The following RLN2 variants were observed in gnomAD, a reference collection of about 807,000 sequenced individuals.
RLN2 encodes prorelaxin H2.
In RLN2, 10 loss-of-function variants were observed where a neutral mutation model predicts 7.3. The observed-to-expected ratio is 1.36, with a 90% CI of 0.84 to 2.31. The LOEUF is 2.31. Ranked by LOEUF, RLN2 falls within the 30% of genes most tolerant of loss-of-function variation. RLN2 has a pLI of 0.00. For missense variants in RLN2, 298 were observed against 217.6 expected, an observed-to-expected ratio of 1.37 and a Z score of -2.32; for synonymous variants, 103 against 82.3, an observed-to-expected ratio of 1.25 and a Z score of -1.36.
At chr9:5,311,159 G>T in the RLN2 span, among the ~76,000 whole-genome samples, 5 of 151,996 alleles carry the variant, frequency 3.3e-5, no homozygotes, top group Non-Finnish European at 7.4e-5. Context: ...GCAACAAAGT[G>T]AAATCTCTAA....
chr9:5,337,100 C>T, the RLN2 span, among the ~76,000 whole-genome samples: 2 of 152,032 alleles, frequency 1.3e-5, no homozygotes, highest in Non-Finnish European at 2.9e-5. Flanking sequence ...GAATTTATAT[C>T]ATTTTTGGTT....
At chr9:5,304,839 C>T (rs1176652424), upstream of RLN2, 1 of 531,540 alleles carries the variant, frequency 1.9e-6, no homozygotes, top group Non-Finnish European at 3.4e-6. Context: ...CTTCATTTGC[C>T]CATCCCTCTG....
upstream of RLN2, among the ~76,000 whole-genome samples, chr9:5,305,193 T>C (rs1816220289): frequency 6.6e-6 from 1 of 151,970 alleles, no homozygotes; most frequent in Non-Finnish European, 1.5e-5. Context: ...AACATTAAAA[T>C]CCCCAGTAAC....
the RLN2 span, among the ~76,000 whole-genome samples, chr9:5,330,637 CAAAAAAAAA>C: frequency 6.7e-5 from 5 of 74,742 alleles, no homozygotes; most frequent in African/African-American, 2.7e-4. Context: ...GACTCCATCT[CAAAAAAAAA>C]AAAAAAAAAG....
intron 1 of RLN2, chr9:5,304,027 G>A: frequency 4.9e-6 from 1 of 202,188 alleles, no homozygotes; most frequent in Non-Finnish European, 8.8e-6. Flanking sequence ...CCTCCTGCGG[G>A]TCTCCGGGCG....
At chr9:5,321,091 G>A in the RLN2 span, among the ~76,000 whole-genome samples, 1 of 152,080 alleles carries the variant, frequency 6.6e-6, no homozygotes, top group Admixed American at 6.5e-5. Flanking sequence ...TACTAAAGCA[G>A]AATTTTTGAA....
chr9:5,317,486 G>T, the RLN2 span, among the ~76,000 whole-genome samples: 3 of 148,898 alleles, frequency 2.0e-5, no homozygotes, highest in South Asian at 6.5e-4. Context: ...CACTGAGAAC[G>T]AAGAGCTCTG....
chr9:5,320,364 A>T, the RLN2 span, among the ~76,000 whole-genome samples: 2 of 151,846 alleles, frequency 1.3e-5, no homozygotes, highest in African/African-American at 4.8e-5. Context: ...AGGACACAAC[A>T]AAATTATTTA....
At chr9:5,332,007 T>C in the RLN2 span, among the ~76,000 whole-genome samples, 1 of 151,966 alleles carries the variant, frequency 6.6e-6, no homozygotes, top group Non-Finnish European at 1.5e-5. Context: ...TGTAGTATTA[T>C]TTGTGTTAAT....
At chr9:5,305,430 A>G (rs1429462900), upstream of RLN2, among the ~76,000 whole-genome samples, 1 of 150,948 alleles carries the variant, frequency 6.6e-6, no homozygotes, top group Non-Finnish European at 1.5e-5. Flanking sequence ...GAGAGAGAAG[A>G]AAAAAAAGCA....
chr9:5,323,919 G>A, the RLN2 span, among the ~76,000 whole-genome samples: 1 of 151,810 alleles, frequency 6.6e-6, no homozygotes, highest in East Asian at 1.9e-4. Flanking sequence ...GTGTTGATAT[G>A]TGCCTGTAGT....
At chr9:5,332,044 CTATTA>C in the RLN2 span, among the ~76,000 whole-genome samples, 5 of 151,552 alleles carry the variant, frequency 3.3e-5, no homozygotes, top group Non-Finnish European at 5.9e-5. Context: ...AGGCAAATGT[CTATTA>C]TAAGAGATAG....
At chr9:5,323,528 C>T in the RLN2 span, among the ~76,000 whole-genome samples, 2 of 151,734 alleles carry the variant, frequency 1.3e-5, no homozygotes, top group South Asian at 2.1e-4. Flanking sequence ...TAGAGTTGTG[C>T]ATTTTTAGGG....
chr9:5,327,816 G>C, the RLN2 span, among the ~76,000 whole-genome samples: 5 of 152,060 alleles, frequency 3.3e-5, no homozygotes, highest in Non-Finnish European at 7.4e-5. Context: ...CTGCAGCTGA[G>C]GGGTCTGACT....
At chr9:5,316,374 T>C in the RLN2 span, among the ~76,000 whole-genome samples, 1 of 151,912 alleles carries the variant, frequency 6.6e-6, no homozygotes, top group Non-Finnish European at 1.5e-5. Flanking sequence ...ACACATGCCA[T>C]GGTGGTTTGC....
At chr9:5,300,538 T>C in intron 1 of RLN2, 94 bp from the exon 2 acceptor site, 1 of 783,860 alleles carries the variant, frequency 1.3e-6, no homozygotes, top group Non-Finnish European at 2.0e-6. Flanking sequence ...CAAAAAAGCA[T>C]TGCCTCAGTA....
At chr9:5,307,188 T>G (rs1273365082), upstream of RLN2, among the ~76,000 whole-genome samples, 1 of 151,778 alleles carries the variant, frequency 6.6e-6, no homozygotes, top group Non-Finnish European at 1.5e-5. Context: ...AAGTAACTTT[T>G]TAAGGTTTTT....
the RLN2 span, among the ~76,000 whole-genome samples, chr9:5,313,962 G>A: frequency 2.6e-5 from 4 of 151,936 alleles, 1 homozygote; most frequent in African/African-American, 4.8e-5. Context: ...GAACCAGGGG[G>A]AAATTCTCCT....
At chr9:5,313,918 C>T in the RLN2 span, among the ~76,000 whole-genome samples, 1 of 151,980 alleles carries the variant, frequency 6.6e-6, no homozygotes, top group Admixed American at 6.6e-5. Context: ...AACACCTCAC[C>T]TCCACCACCC....
Sources: allele counts gnomAD v4.1 joint callset (sites outside exome capture counted in the v4.1 genomes callset), GRCh38; gene constraint gnomAD v4.1.1; transcripts MANE v1.5; gene names NCBI Gene and HGNC (gene_info 2026-07-23, HGNC 2026-07-21).